COL24A1: variants seen among roughly 807,000 people sequenced by gnomAD.
The protein encoded by COL24A1 is collagen type XXIV alpha 1 chain.
In COL24A1, 224 loss-of-function variants were observed where a neutral mutation model predicts 253.9. The ratio of observed to expected loss-of-function variants is 0.88; its 90% CI spans 0.79 to 0.99. The LOEUF (loss-of-function observed/expected upper bound fraction) is 0.99. Ranked by LOEUF, COL24A1 falls within the 50% of genes least tolerant of loss-of-function variation. COL24A1 has a pLI of 0.00. For synonymous variants in COL24A1, 685 were observed against 673.7 expected (o/e 1.02, Z -0.26); for missense variants, 2,131 against 2,068.5 (o/e 1.03, Z -0.59).
intron 37 of COL24A1, among the ~76,000 whole-genome samples, chr1:85,853,313 A>G (rs188147973): frequency 9.9e-4 from 150 of 152,002 alleles, no homozygotes; most frequent in African/African-American, 3.5e-3. Flanking sequence ...TTCTTTTTCT[A>G]TGGCTGCATA....
chr1:86,150,930 TTTTACA>T (rs892954534), intron 1 of COL24A1, among the ~76,000 whole-genome samples: 10 of 152,284 alleles, frequency 6.6e-5, no homozygotes, highest in African/African-American at 2.4e-4. Context: ...TGTTTTTGTG[TTTTACA>T]TTCCAAATGT....
intron 24 of COL24A1, among the ~76,000 whole-genome samples, chr1:85,923,181 G>A (rs912769515): frequency 6.6e-6 from 1 of 151,932 alleles, no homozygotes; most frequent in African/African-American, 2.4e-5. Flanking sequence ...AAGTCCTTAG[G>A]GATCTACAAA....
intron 52 of COL24A1, among the ~76,000 whole-genome samples, chr1:85,780,882 AT>A (rs1205016134): frequency 6.6e-6 from 1 of 152,030 alleles, no homozygotes; most frequent in Admixed American, 6.6e-5. Flanking sequence ...CAAATGTTGG[AT>A]GTCTGCACAT....
At chr1:85,824,767 C>G (rs1254755872) in intron 43 of COL24A1, among the ~76,000 whole-genome samples, 1 of 152,058 alleles carries the variant, frequency 6.6e-6, no homozygotes, top group Non-Finnish European at 1.5e-5. Context: ...ATTCTTTTAT[C>G]CCTTTTCCTA....
chr1:85,867,678 G>A (rs1171062374), intron 37 of COL24A1, among the ~76,000 whole-genome samples: 1 of 139,164 alleles, frequency 7.2e-6, no homozygotes, highest in Non-Finnish European at 1.6e-5. Flanking sequence ...CAGATAGGCT[G>A]TATCTGGAAG....
intron 47 of COL24A1, among the ~76,000 whole-genome samples, chr1:85,799,211 A>AAAAGAAAGAAAGAAAG (rs139787428): frequency 0.014 from 1,892 of 137,604 alleles, 66 homozygotes; most frequent in African/African-American, 0.05. Flanking sequence ...TTGGCCACAT[A>AAAAGAAAGAAAGAAAG]AAAGAAAGAA....
chr1:85,990,613 C>G (rs1031238954), intron 19 of COL24A1, among the ~76,000 whole-genome samples: 1 of 152,124 alleles, frequency 6.6e-6, no homozygotes, highest in Non-Finnish European at 1.5e-5. Flanking sequence ...GTGTTAGGGG[C>G]CCCTGCAGTA....
intron 55 of COL24A1, among the ~76,000 whole-genome samples, chr1:85,754,398 G>T (rs1665958197): frequency 1.2e-5 from 1 of 86,134 alleles, no homozygotes; most frequent in Non-Finnish European, 2.3e-5. Context: ...GGGGTCGGGG[G>T]AGGGGGGAGG....
intron 13 of COL24A1, among the ~76,000 whole-genome samples, chr1:86,033,573 G>C (rs1698758581): frequency 6.6e-6 from 1 of 152,066 alleles, no homozygotes; most frequent in Non-Finnish European, 1.5e-5. Flanking sequence ...AGGCTTGTTA[G>C]TACTTTCATG....
At chr1:86,112,176 A>T (rs542671251) in intron 5 of COL24A1, among the ~76,000 whole-genome samples, 1 of 152,262 alleles carries the variant, frequency 6.6e-6, no homozygotes, top group East Asian at 1.9e-4. Flanking sequence ...TAATTAGGGA[A>T]GTGTGGAGCA....
chr1:86,052,014 A>T (rs1339563275), intron 10 of COL24A1, among the ~76,000 whole-genome samples: 2 of 152,136 alleles, frequency 1.3e-5, no homozygotes, highest in Admixed American at 1.3e-4. Flanking sequence ...TTAAAGACAG[A>T]CTAAAGCTTT....
At chr1:85,850,274 G>A (rs1677612933) in intron 37 of COL24A1, among the ~76,000 whole-genome samples, 1 of 152,078 alleles carries the variant, frequency 6.6e-6, no homozygotes, top group Non-Finnish European at 1.5e-5. Context: ...GCATTCGCTG[G>A]AAATGAAAAT....
intron 47 of COL24A1, among the ~76,000 whole-genome samples, chr1:85,806,207 C>A (rs924557040): frequency 6.2e-4 from 94 of 152,018 alleles, no homozygotes; most frequent in African/African-American, 3.1e-4. Flanking sequence ...AACAATTCAA[C>A]CTTTGTTTTA....
intron 5 of COL24A1, among the ~76,000 whole-genome samples, chr1:86,093,400 G>A (rs564047088): frequency 6.6e-6 from 1 of 152,090 alleles, no homozygotes; most frequent in African/African-American, 2.4e-5. Flanking sequence ...TTTCCCCATT[G>A]CTCGCTTTTG....
intron 16 of COL24A1, 40 bp from the exon 17 acceptor site, chr1:86,022,631 C>A: frequency 6.4e-7 from 1 of 1,566,136 alleles, no homozygotes; most frequent in South Asian, 1.2e-5. Flanking sequence ...TTATGTATCA[C>A]AAACATGGCA....
chr1:86,117,804 G>A (rs924050100), intron 3 of COL24A1, among the ~76,000 whole-genome samples: 2 of 152,144 alleles, frequency 1.3e-5, no homozygotes, highest in African/African-American at 2.4e-5. Context: ...TTGTTATTAA[G>A]AGAAAGTACA....
chr1:85,845,340 T>A (rs1308250889), intron 39 of COL24A1, among the ~76,000 whole-genome samples: 1 of 151,890 alleles, frequency 6.6e-6, no homozygotes, highest in Admixed American at 6.6e-5. Flanking sequence ...TCTAAAAAAA[T>A]GTTGTAAAAG....
Position 85,786,326 on chromosome 1 carries a change from T to C in COL24A1, c.4059+28A>G, listed in dbSNP as rs1030268366. 6 of 1,596,584 alleles carry C rather than the reference T, an allele frequency of 3.8e-6. 1 individual carries two copies. Among genetic ancestry groups the C allele is most frequent in the South Asian group, 3.3e-5 (3 of 90,432 alleles). On this transcript the variant is annotated intron_variant, in intron 48 of 59. Transcript: ENST00000370571. Reference sequence around the variant, plus strand: ...GCCAGAAAGGATGGCCAATACTGCTTACCCATTGGAACAAAATATTAAAGT... The same window carrying C: ...GCCAGAAAGGATGGCCAATACTGCTCACCCATTGGAACAAAATATTAAAGT...
intron 7 of COL24A1, among the ~76,000 whole-genome samples, chr1:86,070,780 A>T (rs1294286477): frequency 6.6e-6 from 1 of 152,190 alleles, no homozygotes; most frequent in Admixed American, 6.5e-5. Context: ...TTCCTAGACA[A>T]ACAAAAGTTA....
Sources: allele counts gnomAD v4.1 joint callset (sites outside exome capture counted in the v4.1 genomes callset), GRCh38; gene constraint gnomAD v4.1.1; transcripts MANE v1.5; gene names NCBI Gene and HGNC (gene_info 2026-07-23, HGNC 2026-07-21).